The following PAK5 variants were observed in gnomAD, a reference collection of about 807,000 sequenced individuals.
PAK5 encodes the protein p21 (RAC1) activated kinase 5, also known as serine/threonine-protein kinase PAK 5.
Under a neutral mutation model 65.9 loss-of-function variants are expected in PAK5, and 16 were observed. The ratio of observed to expected loss-of-function variants is 0.24; its 90% CI spans 0.16 to 0.37. The LOEUF (loss-of-function observed/expected upper bound fraction) is 0.37, where lower values mean the gene tolerates loss of function less well. Among genes scored for constraint, PAK5 ranks in the 10% least tolerant of loss-of-function variants. The probability of loss-of-function intolerance (pLI) is 1.00; values close to 1 mark genes in which losing one functional copy is unlikely to be tolerated. For synonymous variants in PAK5, 371 were observed against 354.9 expected (o/e 1.05, Z -0.51); for missense variants, 785 against 903.9 (o/e 0.87, Z 1.69).
chr20:9,568,415 C>T (rs186386902), intron 4 of PAK5, among the ~76,000 whole-genome samples: 1 of 152,172 alleles, frequency 6.6e-6, no homozygotes, highest in Admixed American at 6.5e-5. Flanking sequence ...GGATTTTGGC[C>T]TAAGCAACAG....
chr20:9,633,835 C>G (rs541735995), intron 3 of PAK5, among the ~76,000 whole-genome samples: 2 of 152,246 alleles, frequency 1.3e-5, no homozygotes, highest in African/African-American at 2.4e-5. Context: ...TGAGAAGAGG[C>G]CTTCAGGGAT....
chr20:9,561,997 A>T (rs2045597994), intron 6 of PAK5, among the ~76,000 whole-genome samples: 1 of 152,186 alleles, frequency 6.6e-6, no homozygotes, highest in Non-Finnish European at 1.5e-5. Flanking sequence ...ATTTATGTGG[A>T]CACTGAAATT....
At chr20:9,574,439 C>G (rs2045849206) in intron 4 of PAK5, among the ~76,000 whole-genome samples, 1 of 152,170 alleles carries the variant, frequency 6.6e-6, no homozygotes, top group African/African-American at 2.4e-5. Context: ...TGAGACAGAG[C>G]AGATTGGTCT....
At chr20:9,676,781 C>A (rs1457713173) in intron 2 of PAK5, among the ~76,000 whole-genome samples, 1 of 152,086 alleles carries the variant, frequency 6.6e-6, no homozygotes, top group African/African-American at 2.4e-5. Context: ...TAATTCAATA[C>A]CCAGAAGGAC....
intron 1 of PAK5, among the ~76,000 whole-genome samples, chr20:9,726,391 C>T (rs1419508165): frequency 6.6e-6 from 1 of 152,080 alleles, no homozygotes; most frequent in East Asian, 1.9e-4. Context: ...TTAGAAACAT[C>T]GCAGTCAAAA....
At chr20:9,715,868 G>C (rs1221923158) in intron 1 of PAK5, among the ~76,000 whole-genome samples, 4 of 149,256 alleles carry the variant, frequency 2.7e-5, no homozygotes, top group Non-Finnish European at 5.9e-5. Context: ...GACATAGGAA[G>C]GGGAACATCA....
At chr20:9,615,038 G>C (rs1412361023) in intron 3 of PAK5, among the ~76,000 whole-genome samples, 1 of 152,052 alleles carries the variant, frequency 6.6e-6, no homozygotes, top group Non-Finnish European at 1.5e-5. Flanking sequence ...AGATATGAAG[G>C]AAACAAATGC....
At chr20:9,696,320 A>G (rs188263519) in intron 2 of PAK5, among the ~76,000 whole-genome samples, 227 of 152,188 alleles carry the variant, frequency 1.5e-3, no homozygotes, top group Non-Finnish European at 2.8e-3. Context: ...CAGGCTCTCT[A>G]GTGGGTGGGT....
At chr20:9,638,441 C>T (rs986385784) in intron 3 of PAK5, among the ~76,000 whole-genome samples, 40 of 152,216 alleles carry the variant, frequency 2.6e-4, no homozygotes, top group African/African-American at 8.9e-4. Context: ...AAATTTCTGA[C>T]AGTTTGGAAA....
chr20:9,560,390 T>C (rs1272081688), intron 6 of PAK5, among the ~76,000 whole-genome samples: 2 of 152,164 alleles, frequency 1.3e-5, no homozygotes, highest in Non-Finnish European at 2.9e-5. Context: ...GATAGAGTCT[T>C]GCTCTGTTGC....
chr20:9,809,887 T>C (rs900961814), intron 1 of PAK5, among the ~76,000 whole-genome samples: 3 of 152,232 alleles, frequency 2.0e-5, no homozygotes, highest in Non-Finnish European at 4.4e-5. Flanking sequence ...CTCCATTCTT[T>C]TAAGCTGTCA....
At chr20:9,772,970 CAGG>C (rs1014452256) in intron 1 of PAK5, among the ~76,000 whole-genome samples, 4 of 152,182 alleles carry the variant, frequency 2.6e-5, no homozygotes, top group African/African-American at 9.6e-5. Context: ...TGAAGGTTTT[CAGG>C]AGATCTGCTT....
At chr20:9,787,255 C>T (rs1369682874) in intron 1 of PAK5, among the ~76,000 whole-genome samples, 1 of 152,122 alleles carries the variant, frequency 6.6e-6, no homozygotes, top group African/African-American at 2.4e-5. Context: ...ACTTGTCTCA[C>T]TTCTTCCTAT....
intron 1 of PAK5, among the ~76,000 whole-genome samples, chr20:9,777,508 C>T (rs2048898868): frequency 6.6e-6 from 1 of 152,172 alleles, no homozygotes; most frequent in Non-Finnish European, 1.5e-5. Flanking sequence ...ATTATGAGGC[C>T]TCCCCAGCCA....
intron 5 of PAK5, among the ~76,000 whole-genome samples, chr20:9,564,871 G>T (rs538175293): frequency 6.6e-6 from 1 of 151,772 alleles, no homozygotes; most frequent in Admixed American, 6.6e-5. Flanking sequence ...AATAGAATAC[G>T]TTAATATATT....
chr20:9,766,115 G>C (rs947321371), intron 1 of PAK5, among the ~76,000 whole-genome samples: 1 of 151,558 alleles, frequency 6.6e-6, no homozygotes, highest in African/African-American at 2.4e-5. Flanking sequence ...CCAGCTACTC[G>C]GGAGGCTGGG....
chr20:9,665,733 A>G (rs773118834), intron 2 of PAK5, among the ~76,000 whole-genome samples: 1 of 151,678 alleles, frequency 6.6e-6, no homozygotes, highest in Non-Finnish European at 1.5e-5. Flanking sequence ...GCCTCAAGCA[A>G]TCCTCCTACC....
intron 1 of PAK5, among the ~76,000 whole-genome samples, chr20:9,817,878 G>T (rs140024584): frequency 6.6e-6 from 1 of 152,292 alleles, no homozygotes; most frequent in East Asian, 1.9e-4. Context: ...CCTGGTGAAG[G>T]CCAGGCATGG....
chr20:9,577,598 A>G (rs1034203654), intron 4 of PAK5: 1 of 152,256 alleles, frequency 6.6e-6, no homozygotes, highest in African/African-American at 2.4e-5. Flanking sequence ...TGTGATTGGT[A>G]CACTCTAAGA....
Sources: allele counts gnomAD v4.1 joint callset (sites outside exome capture counted in the v4.1 genomes callset), GRCh38; gene constraint gnomAD v4.1.1; transcripts MANE v1.5; gene names NCBI Gene and HGNC (gene_info 2026-07-23, HGNC 2026-07-21).